Variants in PRMT3 observed in about 807,000 individuals in gnomAD.
PRMT3 encodes protein arginine methyltransferase 3.
PRMT3 carries 62 observed loss-of-function variants against 71.9 expected under a neutral mutation model. The ratio of observed to expected loss-of-function variants is 0.86; its 90% CI spans 0.70 to 1.07. PRMT3 has a LOEUF of 1.07. Among genes scored for constraint, PRMT3 ranks in the 50% least tolerant of loss-of-function variants. The pLI is 0.00. For synonymous variants in PRMT3, 213 were observed against 220.4 expected, an observed-to-expected ratio of 0.97 and a Z score of 0.30; for missense variants, 663 against 643.0, an observed-to-expected ratio of 1.03 and a Z score of -0.34.
At chr11:20,482,027 G>A (rs1445184938) in intron 13 of PRMT3, among the ~76,000 whole-genome samples, 1 of 152,040 alleles carries the variant, frequency 6.6e-6, no homozygotes, top group Non-Finnish European at 1.5e-5. Context: ...GGAATCGCCT[G>A]TAATACTGAA....
chr11:20,482,476 A>T (rs1196348659), intron 13 of PRMT3, among the ~76,000 whole-genome samples: 2 of 152,128 alleles, frequency 1.3e-5, no homozygotes, highest in Non-Finnish European at 2.9e-5. Context: ...TAAGCACAAA[A>T]TAGTGTATTT....
Position 20,388,141 on chromosome 11 carries a change from C to T in PRMT3, c.151C>T (p.Leu51=). ...CCACGGCAAGCAGCAGACCCCCTGC[C>T]TGTTCTGTAACAGGTTCGTCCGCCT... ...LPHGKQQTPC[L]FCNRLFTSAE... The change falls in exon 2 of 16, where the codon CTG becomes TTG. Residue 51 remains leucine (L), a synonymous_variant. Coordinates refer to ENST00000331079, the MANE Select transcript of PRMT3 (RefSeq NM_005788.4). The T allele has an allele frequency of 1.2e-6, 2 of 1,613,974 alleles. No homozygotes were observed. The highest frequency in any genetic ancestry group is 1.7e-6 in the Non-Finnish European group (2 of 1,179,992).
intron 9 of PRMT3, among the ~76,000 whole-genome samples, chr11:20,425,185 G>T (rs1849520566): frequency 6.6e-6 from 1 of 151,886 alleles, no homozygotes; most frequent in Admixed American, 6.6e-5. Context: ...GAAGACATGG[G>T]AATATGGCAA....
intron 13 of PRMT3, among the ~76,000 whole-genome samples, chr11:20,467,233 T>C (rs1432038759): frequency 6.6e-6 from 1 of 152,202 alleles, no homozygotes; most frequent in Non-Finnish European, 1.5e-5. Context: ...TAGTTAATAT[T>C]ATCAGAGGAA....
intron 9 of PRMT3, among the ~76,000 whole-genome samples, chr11:20,415,741 A>C (rs1849291074): frequency 6.6e-6 from 1 of 152,170 alleles, no homozygotes; most frequent in Non-Finnish European, 1.5e-5. Flanking sequence ...ATGAATCTTC[A>C]TGTTTACTTT....
At chr11:20,465,354 CAT>C (rs1350631760) in intron 13 of PRMT3, among the ~76,000 whole-genome samples, 5 of 151,784 alleles carry the variant, frequency 3.3e-5, no homozygotes, top group African/African-American at 1.2e-4. Context: ...GTGGTATTAA[CAT>C]ATTTATATTA....
intron 13 of PRMT3, among the ~76,000 whole-genome samples, chr11:20,492,587 A>G (rs1019412554): frequency 3.5e-4 from 54 of 152,160 alleles, no homozygotes; most frequent in African/African-American, 1.1e-3. Flanking sequence ...TAGCTTTACC[A>G]TGATTTTTCA....
chr11:20,463,684 G>A (rs1044289282), intron 12 of PRMT3, among the ~76,000 whole-genome samples: 1 of 151,742 alleles, frequency 6.6e-6, no homozygotes, highest in Admixed American at 6.6e-5. Context: ...TTTCAATAGT[G>A]TCTCAGATGT....
intron 13 of PRMT3, among the ~76,000 whole-genome samples, chr11:20,482,242 T>A (rs1251604088): frequency 6.6e-6 from 1 of 152,102 alleles, no homozygotes; most frequent in African/African-American, 2.4e-5. Flanking sequence ...ATCAGCATTT[T>A]AAAAAATTCT....
At chr11:20,467,650 A>C (rs1240000505) in intron 13 of PRMT3, among the ~76,000 whole-genome samples, 1 of 152,204 alleles carries the variant, frequency 6.6e-6, no homozygotes, top group East Asian at 1.9e-4. Flanking sequence ...TCACAGATTC[A>C]TGTGATGAAA....
chr11:20,415,017 GGTGTGTGT>G lies in PRMT3; in HGVS notation c.893+7016_893+7023del, dbSNP rs377570784. 4.3e-4 allele frequency among the ~76,000 whole-genome samples: 58 copies of G among 135,428 alleles called. 1 individual carries two copies. The East Asian group carries it at 9.0e-3, about 21-fold the overall frequency. 88.8% of individuals were successfully genotyped at this position (135,428 alleles called of 152,430 possible). A position where few individuals can be genotyped will look rare whatever the true frequency, so the allele number is the denominator to read the frequency against. ...TTTTAAAGACAGTGGTGGTGGTAGT[GGTGTGTGT>G]GTGTGTGTGTGTGTGTGTGTGTGTG... On this transcript the variant is annotated intron_variant, in intron 9 of 15. Coordinates refer to ENST00000331079, the MANE Select transcript of PRMT3 (RefSeq NM_005788.4).
intron 15 of PRMT3, among the ~76,000 whole-genome samples, chr11:20,503,850 T>A (rs1022003267): frequency 1.3e-5 from 2 of 152,112 alleles, no homozygotes; most frequent in African/African-American, 4.8e-5. Flanking sequence ...TACCTAGAAG[T>A]GGAATTACTG....
At chr11:20,422,287 T>C (rs986625845) in intron 9 of PRMT3, among the ~76,000 whole-genome samples, 1 of 152,124 alleles carries the variant, frequency 6.6e-6, no homozygotes, top group African/African-American at 2.4e-5. Context: ...TAAAACAGTT[T>C]CTTTTTTTTT....
intron 9 of PRMT3, among the ~76,000 whole-genome samples, chr11:20,426,092 T>C (rs139682640): frequency 5.3e-5 from 8 of 152,338 alleles, no homozygotes; most frequent in Admixed American, 6.5e-5. Flanking sequence ...ATCAAGTGTA[T>C]AAGAACATCT....
At chr11:20,400,544 C>G (rs1338537700) in intron 7 of PRMT3, among the ~76,000 whole-genome samples, 1 of 152,130 alleles carries the variant, frequency 6.6e-6, no homozygotes, top group African/African-American at 2.4e-5. Context: ...ACATTTATCA[C>G]AGATCATAGT....
chr11:20,397,553 G>T, intron 6 of PRMT3, 24 bp from the exon 7 acceptor site: 1 of 1,612,866 alleles, frequency 6.2e-7, no homozygotes, highest in Non-Finnish European at 8.5e-7. Flanking sequence ...CCTGTCTCAA[G>T]GGTGTATTTC....
At chr11:20,474,286 T>C (rs1850724424) in intron 13 of PRMT3, among the ~76,000 whole-genome samples, 1 of 152,200 alleles carries the variant, frequency 6.6e-6, no homozygotes, top group South Asian at 2.1e-4. Context: ...CAGGCTGGAA[T>C]AGTCAAGTTG....
chr11:20,440,164 A>T (rs958489573), intron 10 of PRMT3, among the ~76,000 whole-genome samples: 1 of 152,240 alleles, frequency 6.6e-6, no homozygotes, highest in Non-Finnish European at 1.5e-5. Flanking sequence ...TTATGACTGG[A>T]TAGAGAAAAT....
chr11:20,405,388 A>G (rs1279142860), intron 8 of PRMT3: 2 of 152,144 alleles, frequency 1.3e-5, no homozygotes, highest in African/African-American at 2.4e-5. Flanking sequence ...TTCTATTTCT[A>G]CCTCTTTGAT....
Sources: allele counts gnomAD v4.1 joint callset (sites outside exome capture counted in the v4.1 genomes callset), GRCh38; gene constraint gnomAD v4.1.1; transcripts MANE v1.5; gene names NCBI Gene and HGNC (gene_info 2026-07-23, HGNC 2026-07-21).